AP2A2: variants seen among roughly 807,000 people sequenced by gnomAD.
The protein encoded by AP2A2 is adaptor related protein complex 2 subunit alpha 2, also known as AP-2 complex subunit alpha-2.
In AP2A2, 32 loss-of-function variants were observed where a neutral mutation model predicts 104.2. The ratio of observed to expected loss-of-function variants is 0.31; its 90% CI spans 0.23 to 0.41. AP2A2 has a LOEUF of 0.41. Among genes scored for constraint, AP2A2 ranks in the 10% least tolerant of loss-of-function variants. AP2A2 has a pLI of 1.00. For synonymous variants in AP2A2, 539 were observed against 533.3 expected, an observed-to-expected ratio of 1.01 and a Z score of -0.15; for missense variants, 912 against 1,261.0, an observed-to-expected ratio of 0.72 and a Z score of 4.19.
In AP2A2 at chr11:993,462, C is replaced by T; in HGVS notation, c.1550+81C>T. The T allele has an allele frequency of 1.7e-6, 2 of 1,158,508 alleles. No individual in the cohort carries two copies. The highest frequency in any genetic ancestry group is 2.4e-6 in the Non-Finnish European group (2 of 845,906). 71.8% of individuals were successfully genotyped at this position (1,158,508 alleles called of 1,614,324 possible). On this transcript the variant is annotated intron_variant, in intron 12 of 21. Coordinates refer to ENST00000448903, the MANE Select transcript of AP2A2 (RefSeq NM_012305.4). The surrounding 1 kb of genome is among the most constrained non-coding windows in gnomAD (Gnocchi z 8.2). Reference sequence around the variant, plus strand: ...TCGGTGGCAAGAGGCGAGGCACCAGCTGGCCCTGCCGTGAGGCCTCGCAGA... The same window carrying T: ...TCGGTGGCAAGAGGCGAGGCACCAGTTGGCCCTGCCGTGAGGCCTCGCAGA...
rs929774516 is a variant in AP2A2, at chr11:1,010,133, G to T, written c.2742+316G>T. 3.2e-5 allele frequency: 15 copies of T among 473,912 alleles called. 1 individual carries two copies. The highest frequency in any genetic ancestry group is 2.1e-4 in the Admixed American group (6 of 28,774). The allele number at this position is 473,912 out of a possible 1,614,324, so 29.4% of individuals were successfully genotyped here. The stretch of plus-strand genomic sequence containing the variant: ...GCATCGTCCCACCATGGAGCAGCCT[G>T]GCCCTGGGCGGTGGCTCTCCCAGCT... On this transcript the variant is annotated intron_variant, in intron 21 of 21. Transcript: ENST00000448903.
At chr11:964,435 G>T (rs1459904509) in intron 2 of AP2A2, among the ~76,000 whole-genome samples, 1 of 152,150 alleles carries the variant, frequency 6.6e-6, no homozygotes, top group Admixed American at 6.5e-5. Context: ...ATATTCTGGG[G>T]TGGGCAGGAT....
At chr11:970,356 T>A (rs1006027798) in intron 3 of AP2A2, 45 bp downstream of exon 3, 1 of 1,598,986 alleles carries the variant, frequency 6.3e-7, no homozygotes, top group Non-Finnish European at 8.5e-7. Flanking sequence ...GGCGTGGGCC[T>A]GGCAGGACTG....
At chr11:977,301 C>A in intron 5 of AP2A2, 77 bp downstream of exon 5, 1 of 1,502,084 alleles carries the variant, frequency 6.7e-7, no homozygotes, top group East Asian at 2.4e-5. Flanking sequence ...CACCATGGTG[C>A]GCCTTCTCGG....
intron 10 of AP2A2, among the ~76,000 whole-genome samples, chr11:989,050 C>T (rs904317410): frequency 3.9e-5 from 6 of 151,912 alleles, no homozygotes; most frequent in East Asian, 3.9e-4. Context: ...AACTATTGGC[C>T]GGGTGTGGTG....
At chr11:935,432 T>G (rs1468839491) in intron 1 of AP2A2, among the ~76,000 whole-genome samples, 1 of 151,890 alleles carries the variant, frequency 6.6e-6, no homozygotes, top group Non-Finnish European at 1.5e-5. Context: ...CCTCTCAAAG[T>G]GCTGGGATTA....
At chr11:985,748 C>T (rs949345402) in intron 8 of AP2A2, among the ~76,000 whole-genome samples, 166 bp downstream of exon 8, 26 of 152,186 alleles carry the variant, frequency 1.7e-4, no homozygotes, top group African/African-American at 4.8e-5. Context: ...CTGTGCAGCC[C>T]GGCCCCTCCT....
intron 1 of AP2A2, among the ~76,000 whole-genome samples, chr11:927,209 C>A (rs1853148372): frequency 6.6e-6 from 1 of 151,664 alleles, no homozygotes; most frequent in Admixed American, 6.6e-5. Flanking sequence ...CAAGCGTGCA[C>A]CACCACCATG....
chr11:959,530 G>C, intron 2 of AP2A2, 25 bp downstream of exon 2: 1 of 1,446,448 alleles, frequency 6.9e-7, no homozygotes, highest in East Asian at 2.3e-5. Context: ...CCTTTTCCAT[G>C]AAATGTCCTG....
chr11:937,103 C>G (rs1244708363), intron 1 of AP2A2, among the ~76,000 whole-genome samples: 1 of 152,096 alleles, frequency 6.6e-6, no homozygotes, highest in East Asian at 1.9e-4. Flanking sequence ...TCACTGCAAC[C>G]TCTGCCTCTG....
chr11:962,504 G>A (rs1400043069), intron 2 of AP2A2, among the ~76,000 whole-genome samples: 9 of 152,134 alleles, frequency 5.9e-5, no homozygotes, highest in African/African-American at 1.9e-4. Context: ...AGGCTGAGGC[G>A]GGCGGATCGA....
chr11:1,008,985 C>G (rs986527596), intron 18 of AP2A2, 115 bp from the exon 19 acceptor site: 1 of 827,302 alleles, frequency 1.2e-6, no homozygotes, highest in East Asian at 2.7e-5. Context: ...CCCCCCGACC[C>G]GCTCTGGTGG....
In AP2A2 at chr11:968,193, G is replaced by A. The variant is rs983785603; in HGVS notation, c.137-1976G>A. ...TCTCCTCGCGCTGGCGACTTCCGCT[G>A]CCCCTCACGGTGCTTATGCAACAGG... On this transcript the variant is annotated intron_variant, in intron 2 of 21. Coordinates refer to ENST00000448903, the MANE Select transcript of AP2A2 (RefSeq NM_012305.4). This position sits in a 1 kb window ranked among gnomAD's most constrained non-coding sequence, Gnocchi z 4.2. 6.6e-6 allele frequency among the ~76,000 whole-genome samples: 1 copy of A among 152,208 alleles called. No homozygotes were observed. The highest frequency in any genetic ancestry group is 1.5e-5 in the Non-Finnish European group (1 of 68,046).
chr11:987,387 C>T (rs1004008081), intron 9 of AP2A2, among the ~76,000 whole-genome samples: 2 of 152,146 alleles, frequency 1.3e-5, no homozygotes, highest in African/African-American at 2.4e-5. Flanking sequence ...CGGTGGCTGA[C>T]GCCTGTAATC....
intron 15 of AP2A2, among the ~76,000 whole-genome samples, chr11:1,002,864 C>G (rs1397263144): frequency 6.6e-6 from 1 of 152,228 alleles, no homozygotes; most frequent in Admixed American, 6.5e-5. Flanking sequence ...GCAGCATTTG[C>G]TTCTTAGGCA....
intron 9 of AP2A2, among the ~76,000 whole-genome samples, chr11:987,768 G>A (rs1425847555): frequency 3.3e-5 from 5 of 152,256 alleles, no homozygotes; most frequent in Non-Finnish European, 7.3e-5. Context: ...GGACCCTGCG[G>A]TGTGTCCACC....
At chr11:965,288 A>C (rs28725498) in intron 2 of AP2A2, among the ~76,000 whole-genome samples, 33 of 150,386 alleles carry the variant, frequency 2.2e-4, no homozygotes, top group Admixed American at 4.0e-4. Flanking sequence ...AGGTGGAAAG[A>C]ATGGAATGGG....
In AP2A2 at chr11:925,905, TA is replaced by T; in HGVS notation, c.-116del. On this transcript the variant is annotated 5_prime_UTR_variant, in exon 1 of 22. Transcript: ENST00000448903. ...GCTGGGACCCTGAGGCGGCCGTGGTTAGGCGGCTCCCCGGCGGCTCCTCCGC... is the reference window on the plus strand; with the variant it reads ...GCTGGGACCCTGAGGCGGCCGTGGTTGGCGGCTCCCCGGCGGCTCCTCCGC... 1 of 746,282 alleles carries T rather than the reference TA, an allele frequency of 1.3e-6. No homozygotes were observed. Among genetic ancestry groups the T allele is most frequent in the South Asian group, 3.6e-5 (1 of 27,996 alleles). The allele number at this position is 746,282 out of a possible 1,614,324, so 46.2% of individuals were successfully genotyped here. A position where few individuals can be genotyped will look rare whatever the true frequency, so the allele number is the denominator to read the frequency against.
intron 1 of AP2A2, chr11:932,685 C>G (rs755864941): frequency 3.3e-5 from 15 of 456,044 alleles, no homozygotes; most frequent in Non-Finnish European, 4.8e-5. Flanking sequence ...GAAGTCCTTG[C>G]TCGGGTTGAA....
Sources: allele counts gnomAD v4.1 joint callset (sites outside exome capture counted in the v4.1 genomes callset), GRCh38; gene constraint gnomAD v4.1.1; non-coding constraint Gnocchi (gnomAD v3.1); transcripts MANE v1.5; gene names NCBI Gene and HGNC (gene_info 2026-07-23, HGNC 2026-07-21).